CCDC88A: variants seen among roughly 807,000 people sequenced by gnomAD.
The protein encoded by CCDC88A is coiled-coil and HOOK domain protein 88A, also known as girdin.
A neutral mutation model predicts 234.3 loss-of-function variants in CCDC88A; 54 were observed. That is an observed-to-expected ratio of 0.23 (90% CI 0.19 to 0.29). CCDC88A has a LOEUF of 0.29. Ranked by LOEUF, CCDC88A falls within the 10% of genes least tolerant of loss-of-function variation. The pLI, the probability that CCDC88A is intolerant of heterozygous loss-of-function variation, is 1.00. For missense variants in CCDC88A, 1,832 were observed against 2,123.4 expected, an observed-to-expected ratio of 0.86 and a Z score of 2.70; for synonymous variants, 753 against 737.8, an observed-to-expected ratio of 1.02 and a Z score of -0.33.
rs137868139 is a variant in CCDC88A, at chr2:55,367,489, G to T, written c.403-3456C>A. Among the ~76,000 whole-genome samples, 118 of 123,300 alleles carry T rather than the reference G, an allele frequency of 9.6e-4. 1 individual carries two copies. The East Asian group carries it at 0.022, about 23-fold the overall frequency. 80.9% of individuals were successfully genotyped at this position (123,300 alleles called of 152,430 possible). On this transcript the variant is annotated intron_variant, in intron 5 of 32. Coordinates refer to ENST00000436346, the MANE Select transcript of CCDC88A (RefSeq NM_001365480.1). ...ATATTTGTATTTTTAAATATTCTCAGAAAAACAAATGCCTTGCTAGAAATT... is the reference window on the plus strand; with the variant it reads ...ATATTTGTATTTTTAAATATTCTCATAAAAACAAATGCCTTGCTAGAAATT...
rs1400983604 is a variant in CCDC88A at position 55,335,268 on chromosome 2, T to C, written c.1657-104A>G. ...GAAAAGGGGAACAAAAAAAGGGTGC[T>C]AGAACATGTCTTACTTTTAATTCTG... is the stretch of plus-strand genomic sequence containing the variant. On this transcript the variant is annotated intron_variant, in intron 14 of 32. Transcript: ENST00000436346. This position sits in a 1 kb window ranked among gnomAD's most constrained non-coding sequence, Gnocchi z 4.5. 4 of 657,734 alleles carry C rather than the reference T, an allele frequency of 6.1e-6. No homozygotes were observed. The highest frequency in any genetic ancestry group is 3.7e-5 in the African/African-American group (2 of 53,884). The allele number at this position is 657,734 out of a possible 1,614,324, so 40.7% of individuals were successfully genotyped here. A position where few individuals can be genotyped will look rare whatever the true frequency, so the allele number is the denominator to read the frequency against.
At chr2:55,295,486 C>T (rs768326043) in intron 31 of CCDC88A, 111 bp downstream of exon 31, 6 of 1,593,374 alleles carry the variant, frequency 3.8e-6, no homozygotes, top group Non-Finnish European at 5.1e-6. Context: ...CTAGCCTGGG[C>T]ATATAGAGGC....
intron 5 of CCDC88A, among the ~76,000 whole-genome samples, chr2:55,366,534 T>TACAC (rs201666406): frequency 0.039 from 4,978 of 127,632 alleles, 93 homozygotes; most frequent in South Asian, 0.078. Flanking sequence ...CACACACACA[T>TACAC]ACACACACAC....
intron 8 of CCDC88A, among the ~76,000 whole-genome samples, chr2:55,350,836 G>A (rs760094969): frequency 6.6e-6 from 1 of 151,798 alleles, no homozygotes; most frequent in Admixed American, 6.6e-5. Context: ...ATTTTTTGTA[G>A]ACACGGGGTC....
chr2:55,367,506 C>T (rs182453963), intron 5 of CCDC88A, among the ~76,000 whole-genome samples: 78 of 102,318 alleles, frequency 7.6e-4, no homozygotes, highest in East Asian at 1.7e-3. Flanking sequence ...AAATGCCTTG[C>T]TAGAAATTGT....
intron 2 of CCDC88A, among the ~76,000 whole-genome samples, chr2:55,414,848 G>T (rs1377148532): frequency 6.6e-6 from 1 of 151,856 alleles, no homozygotes. Context: ...GGCGGATCAC[G>T]AGGTCAGGAG....
At position 55,289,455 on chromosome 2, in the gene CCDC88A, A is replaced by C. The variant is rs1286947921; in HGVS notation, c.*1745T>G. On this transcript the variant is annotated 3_prime_UTR_variant, in exon 33 of 33. Transcript: ENST00000436346. ...ACTTGAATCCAGGGAGTTATGAGAG[A>C]GAGAGATGTTTCAAAGTCTACGGAA... 2 of 152,458 alleles carry C rather than the reference A, an allele frequency of 1.3e-5. No individual in the cohort carries two copies. The highest frequency in any genetic ancestry group is 2.9e-5 in the Non-Finnish European group (2 of 68,022). 9.4% of individuals were successfully genotyped at this position (152,458 alleles called of 1,614,324 possible).
chr2:55,405,983 C>G (rs1679492913), intron 2 of CCDC88A: 1 of 151,998 alleles, frequency 6.6e-6, no homozygotes, highest in Non-Finnish European at 1.5e-5. Flanking sequence ...TACGGTGAAA[C>G]CCCGTCTCTA....
intron 25 of CCDC88A, chr2:55,307,840 G>GT (rs1442145546): frequency 2.6e-5 from 4 of 151,860 alleles, no homozygotes; most frequent in African/African-American, 4.8e-5. Flanking sequence ...CCAGGCTGGA[G>GT]TGCAGTGTGC....
chr2:55,379,191 C>G (rs1331522264), intron 3 of CCDC88A, among the ~76,000 whole-genome samples: 3 of 152,078 alleles, frequency 2.0e-5, no homozygotes, highest in Admixed American at 6.6e-5. Flanking sequence ...TCATCATAGA[C>G]TCCCCAGACT....
In CCDC88A at chr2:55,318,927, C is replaced by T. The variant is rs948213818; in HGVS notation, c.3240G>A (p.Gln1080=). The change falls in exon 19 of 33, where the codon CAG becomes CAA. Residue 1080 remains glutamine, a synonymous_variant. Transcript: ENST00000436346. ...KQLETQNNNL[Q]AQILALQRQT... ...GCCTCTGAAGTGCAAGAATCTGAGCCTGCAAATTATTGTTCTGTGTCTCAA... is the reference window on the plus strand; with the variant it reads ...GCCTCTGAAGTGCAAGAATCTGAGCTTGCAAATTATTGTTCTGTGTCTCAA... 4 of 1,613,274 alleles carry T rather than the reference C, an allele frequency of 2.5e-6. No homozygotes were observed. The African/African-American group carries it at 5.3e-5, about 22-fold the overall frequency.
In CCDC88A at chr2:55,339,485, T is replaced by C; in HGVS notation, c.1497A>G (p.Glu499=). ...TTACCTTTTTACTGAGCCTTTGATT[T>C]TCTTTTTCCATTTTCAGGATTTTGG... ...NASKILKMEK[E]NQRLSKKVEI... The change falls in exon 13 of 33, where the codon GAA becomes GAG. Residue 499 remains glutamate, a synonymous_variant. Coordinates refer to ENST00000436346, the MANE Select transcript of CCDC88A (RefSeq NM_001365480.1). The C allele has an allele frequency of 6.3e-7, 1 of 1,583,274 alleles. No homozygotes were observed. Among genetic ancestry groups the C allele is most frequent in the East Asian group, 2.3e-5 (1 of 44,232 alleles).
At chr2:55,355,312 G>A (rs542006740) in intron 8 of CCDC88A, 125 of 309,630 alleles carry the variant, frequency 4.0e-4, no homozygotes, top group Non-Finnish European at 3.6e-4. Context: ...AAAAAACTAA[G>A]AGCCCCAATT....
At chr2:55,322,741 G>T in intron 17 of CCDC88A, 49 bp from the exon 18 acceptor site, 3 of 1,016,400 alleles carry the variant, frequency 3.0e-6, no homozygotes, top group Non-Finnish European at 4.2e-6. Flanking sequence ...AATCACCACA[G>T]TTACATTTCT....
chr2:55,387,948 A>G (rs1319259301), intron 3 of CCDC88A, among the ~76,000 whole-genome samples: 1 of 152,174 alleles, frequency 6.6e-6, no homozygotes, highest in Admixed American at 6.5e-5. Flanking sequence ...TCATCATCAT[A>G]TGGGATATTT....
intron 8 of CCDC88A, chr2:55,355,259 A>G (rs1670412838): frequency 3.8e-6 from 1 of 265,316 alleles, no homozygotes; most frequent in Admixed American, 5.2e-5. Context: ...ATTGATCTCC[A>G]TCAGTAGTTC....
chr2:55,345,184 A>G (rs886629695), intron 10 of CCDC88A, among the ~76,000 whole-genome samples: 1 of 152,168 alleles, frequency 6.6e-6, no homozygotes, highest in Non-Finnish European at 1.5e-5. Flanking sequence ...TCTTTAAATA[A>G]CTGGCAAATA....
intron 29 of CCDC88A, 115 bp downstream of exon 29, chr2:55,299,724 G>A (rs1261858511): frequency 1.5e-6 from 1 of 684,936 alleles, no homozygotes; most frequent in African/African-American, 1.8e-5. Context: ...AAACAACTAT[G>A]TTCCAAACAT....
rs1558789492 is a variant in CCDC88A at position 55,384,667 on chromosome 2, A to ATATATT, written c.273+4110_273+4111insAATATA. Among the ~76,000 whole-genome samples the ATATATT allele has an allele frequency of 1.7e-3, 10 of 5,858 alleles. 3 individuals carry two copies. Among genetic ancestry groups the ATATATT allele is most frequent in the Admixed American group, 9.1e-3 (2 of 220 alleles). The allele number at this position is 5,858 out of a possible 152,430, so 3.8% of individuals were successfully genotyped here. On this transcript the variant is annotated intron_variant, in intron 3 of 32. Transcript: ENST00000436346. ...TATATATACATATATATATATATAT[A>ATATATT]TTTTTTAAAGACAGAGTCTCGCTCT... is the stretch of plus-strand genomic sequence containing the variant.
Sources: allele counts gnomAD v4.1 joint callset (sites outside exome capture counted in the v4.1 genomes callset), GRCh38; gene constraint gnomAD v4.1.1; non-coding constraint Gnocchi (gnomAD v3.1); transcripts MANE v1.5; gene names NCBI Gene and HGNC (gene_info 2026-07-23, HGNC 2026-07-21).